The following CDK10 variants were observed in gnomAD, a reference collection of about 807,000 sequenced individuals.
CDK10 encodes the protein cyclin dependent kinase 10.
A neutral mutation model predicts 51.0 loss-of-function variants in CDK10; 55 were observed. The observed-to-expected ratio is 1.08, with a 90% CI of 0.87 to 1.35. The LOEUF (loss-of-function observed/expected upper bound fraction) is 1.35, where lower values mean the gene tolerates loss of function less well. Ranked by LOEUF, CDK10 falls within the 40% of genes most tolerant of loss-of-function variation. CDK10 has a pLI of 0.00. For missense variants in CDK10, 589 were observed against 485.1 expected, an observed-to-expected ratio of 1.21 and a Z score of -2.01; for synonymous variants, 255 against 199.1, an observed-to-expected ratio of 1.28 and a Z score of -2.36.
chr16:89,695,100 C>G, intron 11 of CDK10, 30 bp downstream of exon 11: 1 of 1,600,738 alleles, frequency 6.2e-7, no homozygotes, highest in Non-Finnish European at 8.5e-7. Flanking sequence ...GGGCAGGGAC[C>G]CTCACCACCC....
rs1201829461 is a variant in CDK10 at position 89,693,438 on chromosome 16, G to C, written c.579G>C (p.Lys193Asn). ...GLARAYGVPV[K>N]PMTPKVVTLW... is the part of the protein sequence containing the mutation. ...CCCGGGCCTATGGTGTCCCAGTAAA[G>C]CCAATGACCCCCAAGGTGGTCACTC... Residue 193 changes from lysine (K) to asparagine (N), a missense_variant, in exon 8 of 13, where the codon AAG becomes AAC. Coordinates refer to ENST00000353379, the MANE Select transcript of CDK10 (RefSeq NM_052988.5). The C allele has an allele frequency of 6.2e-7, 1 of 1,614,200 alleles. No homozygotes were observed. Among genetic ancestry groups the C allele is most frequent in the East Asian group, 2.2e-5 (1 of 44,888 alleles).
intron 2 of CDK10, 147 bp downstream of exon 2, chr16:89,689,471 A>C: frequency 1.5e-6 from 1 of 663,486 alleles, no homozygotes. Flanking sequence ...AGGAACTTCA[A>C]TTCCTGATGT....
chr16:89,691,395 C>T (rs887182112), intron 3 of CDK10, 48 bp from the exon 4 acceptor site: 34 of 1,438,536 alleles, frequency 2.4e-5, no homozygotes, highest in Non-Finnish European at 3.0e-5. Flanking sequence ...GTTGGGGCTT[C>T]CCCGCCATCA....
intron 11 of CDK10, 106 bp downstream of exon 11, chr16:89,695,176 G>A: frequency 6.5e-7 from 1 of 1,538,128 alleles, no homozygotes; most frequent in Non-Finnish European, 8.8e-7. Context: ...CCCAGGCACA[G>A]CCGCTCGGAG....
At chr16:89,695,395 C>G in intron 12 of CDK10, 50 bp downstream of exon 12, 3 of 1,584,812 alleles carry the variant, frequency 1.9e-6, no homozygotes, top group Non-Finnish European at 2.6e-6. Context: ...GCTGGGAGCC[C>G]GTTTTGCCCG....
intron 1 of CDK10, 43 bp downstream of exon 1, chr16:89,686,840 C>T (rs201307766): frequency 4.2e-5 from 64 of 1,522,266 alleles, no homozygotes; most frequent in Non-Finnish European, 5.5e-5. Context: ...GCCTCGCTAG[C>T]GGCACTGCCC....
At chr16:89,693,239 T>G (rs755438288) in intron 6 of CDK10, 35 bp from the exon 7 acceptor site, 1 of 1,610,872 alleles carries the variant, frequency 6.2e-7, no homozygotes, top group East Asian at 2.2e-5. Context: ...CCTGTGGCCC[T>G]CTGGGAGCCA....
rs186729232 is a variant in CDK10, at chr16:89,690,963, C to T, written c.232+339C>T. 2.3e-3 allele frequency among the ~76,000 whole-genome samples: 345 copies of T among 152,228 alleles called. 1 individual carries two copies. Among genetic ancestry groups the T allele is most frequent in the African/African-American group, 7.9e-3 (330 of 41,540 alleles). On this transcript the variant is annotated intron_variant, in intron 3 of 12. Coordinates refer to ENST00000353379, the MANE Select transcript of CDK10 (RefSeq NM_052988.5). Reference sequence around the variant, plus strand: ...ATGTCCACGGTGTTTAGAGAGGTGCCGATTCGTATTTGGTCAAGGAAGAGT... The same window carrying T: ...ATGTCCACGGTGTTTAGAGAGGTGCTGATTCGTATTTGGTCAAGGAAGAGT...
intron 12 of CDK10, 109 bp from the exon 13 acceptor site, chr16:89,695,486 G>C: frequency 6.8e-7 from 1 of 1,465,666 alleles, no homozygotes; most frequent in Non-Finnish European, 9.4e-7. Flanking sequence ...GCATGTGGAG[G>C]CACAGACAGC....
chr16:89,691,954 C>G (rs376357277), intron 5 of CDK10, 67 bp downstream of exon 5: 2 of 1,323,776 alleles, frequency 1.5e-6, no homozygotes, highest in South Asian at 1.2e-5. Context: ...ACATTTATAA[C>G]GAAACAGGGC....
rs1361063672 is a variant in CDK10 at position 89,694,755 on chromosome 16, G to C, written c.759G>C (p.Gln253His). Reference protein sequence around the residue: ...SEIHQIDLIVQLLGTPSENIW... With the variant: ...SEIHQIDLIVHLLGTPSENIW... ...TCCACCAGATCGACTTGATCGTGCA[G>C]CTGCTGGGCACGCCCAGTGAGAACA... The change falls in exon 10 of 13, where the codon CAG becomes CAC. Residue 253 changes from glutamine to histidine, a missense_variant. By Grantham distance (24) the Gln-to-His change is conservative (BLOSUM62 0). Coordinates refer to ENST00000353379, the MANE Select transcript of CDK10 (RefSeq NM_052988.5). The C allele has an allele frequency of 3.2e-6, 5 of 1,569,852 alleles. No homozygotes were observed. Among genetic ancestry groups the C allele is most frequent in the Non-Finnish European group, 3.5e-6 (4 of 1,158,670 alleles).
In CDK10 at chr16:89,688,823, G is replaced by A. The variant is rs112974860; in HGVS notation, c.88-429G>A. Among the ~76,000 whole-genome samples, 587 of 152,284 alleles carry A rather than the reference G, an allele frequency of 3.9e-3. 5 individuals are homozygous for A. The highest frequency in any genetic ancestry group is 0.013 in the African/African-American group (539 of 41,540). On this transcript the variant is annotated intron_variant, in intron 1 of 12. Transcript: ENST00000353379. ...TCTCATCAGAAAAGCCCAAGAGGCCGGGTACGGTGGCTCACGCTTGTAATC... is the reference window on the plus strand; with the variant it reads ...TCTCATCAGAAAAGCCCAAGAGGCCAGGTACGGTGGCTCACGCTTGTAATC...
intron 1 of CDK10, 26 bp downstream of exon 1, chr16:89,686,823 T>G: frequency 6.4e-7 from 1 of 1,573,166 alleles, no homozygotes; most frequent in Non-Finnish European, 8.7e-7. Context: ...CCCGGGCAGC[T>G]CTGCCCGCCT....
chr16:89,693,698 C>T, intron 8 of CDK10: 1 of 588,036 alleles, frequency 1.7e-6, no homozygotes, highest in South Asian at 2.0e-5. Context: ...ATCAGACACA[C>T]CTCGCCTTGA....
intron 2 of CDK10, chr16:89,689,634 A>T: frequency 3.0e-6 from 1 of 332,858 alleles, no homozygotes; most frequent in East Asian, 6.5e-5. Context: ...CATGGTGCTC[A>T]TGTCTATCAC....
rs756557556 is a variant in CDK10, at chr16:89,695,362, C to T, written c.985+17C>T. Reference sequence around the variant, plus strand: ...AGCCCCTACGTGAGTGTGCAGGGTTCCTGACTCGCTCTGTGGGGTATGGCT... The same window carrying T: ...AGCCCCTACGTGAGTGTGCAGGGTTTCTGACTCGCTCTGTGGGGTATGGCT... On this transcript the variant is annotated intron_variant, in intron 12 of 12. Transcript: ENST00000353379. 38 of 1,609,796 alleles carry T rather than the reference C, an allele frequency of 2.4e-5. No homozygotes were observed. In the Middle Eastern group the frequency reaches 6.6e-4, roughly 28 times the overall value.
At chr16:89,688,497 A>T (rs985051314) in intron 1 of CDK10, among the ~76,000 whole-genome samples, 1 of 152,140 alleles carries the variant, frequency 6.6e-6, no homozygotes, top group Non-Finnish European at 1.5e-5. Context: ...TTCTGGAGAG[A>T]AGCAGTTGTT....
chr16:89,691,730 C>G, intron 4 of CDK10, 76 bp from the exon 5 acceptor site: 1 of 1,417,610 alleles, frequency 7.1e-7, no homozygotes, highest in Non-Finnish European at 1.0e-6. Context: ...CATGTCCCCT[C>G]CTGCAGCAGG....
rs957677853 is a variant in CDK10 at position 89,695,853 on chromosome 16, C to A, written c.*161C>A. The A allele has an allele frequency of 3.1e-5, 46 of 1,485,108 alleles. No individual in the cohort carries two copies. Among genetic ancestry groups the A allele is most frequent in the Middle Eastern group, 1.7e-4 (1 of 5,828 alleles). 92.0% of individuals were successfully genotyped at this position (1,485,108 alleles called of 1,614,324 possible). A position where few individuals can be genotyped will look rare whatever the true frequency, so the allele number is the denominator to read the frequency against. On this transcript the variant is annotated 3_prime_UTR_variant, in exon 13 of 13. Transcript: ENST00000353379. The stretch of plus-strand genomic sequence containing the variant: ...CTTCCTCCCACTGTCTGCCCTGAAC[C>A]CACTGCTGCCCCCAGAAAAAGGCCG...
Sources: gnomAD v4.1 joint callset for allele counts (sites outside exome capture counted in the v4.1 genomes callset) on GRCh38, gnomAD v4.1.1 for gene constraint, MANE v1.5 for transcripts, NCBI Gene and HGNC (gene_info 2026-07-23, HGNC 2026-07-21) for gene names.